The following GPX6 variants were observed in gnomAD, a reference collection of about 807,000 sequenced individuals.
GPX6 encodes glutathione peroxidase 6 (olfactory).
A neutral mutation model predicts 20.0 loss-of-function variants in GPX6; 21 were observed. The observed-to-expected ratio is 1.05, with a 90% CI of 0.74 to 1.51. The LOEUF (loss-of-function observed/expected upper bound fraction) is 1.51, where lower values mean the gene tolerates loss of function less well. Ranked by LOEUF, GPX6 falls within the 40% of genes most tolerant of loss-of-function variation. The pLI is 0.00. For synonymous variants in GPX6, 75 were observed against 98.0 expected, an observed-to-expected ratio of 0.77 and a Z score of 1.38; for missense variants, 233 against 254.7, an observed-to-expected ratio of 0.91 and a Z score of 0.58.
At chr6:28,506,578 GA>G (rs5875160) in intron 2 of GPX6, 149 bp from the exon 3 acceptor site, 29,224 of 366,516 alleles carry the variant, frequency 0.08, no homozygotes, top group South Asian at 0.12. Context: ...AAGGAGTAGA[GA>G]AAAAAAAAAA....
At chr6:28,506,079 A>G (rs1762803302) in intron 3 of GPX6, among the ~76,000 whole-genome samples, 1 of 152,190 alleles carries the variant, frequency 6.6e-6, no homozygotes. Flanking sequence ...TCTTTTCTCT[A>G]TGCTTCTTTT....
At chr6:28,513,143 A>T (rs1301484878) in intron 1 of GPX6, among the ~76,000 whole-genome samples, 2 of 152,188 alleles carry the variant, frequency 1.3e-5, no homozygotes, top group Non-Finnish European at 2.9e-5. Flanking sequence ...ATCTGATGAG[A>T]GCTACTTCCA....
intron 1 of GPX6, among the ~76,000 whole-genome samples, chr6:28,511,653 C>T (rs1003896036): frequency 1.3e-5 from 2 of 152,270 alleles, no homozygotes; most frequent in Admixed American, 1.3e-4. Flanking sequence ...AATGCACCAT[C>T]GTGGTGAGAG....
At position 28,504,150 on chromosome 6, in the gene GPX6, C is replaced by G. The variant is rs1401769911; in HGVS notation, c.*142G>C. On this transcript the variant is annotated 3_prime_UTR_variant, in exon 5 of 5. Coordinates refer to ENST00000361902, the MANE Select transcript of GPX6 (RefSeq NM_182701.1). ...GCTACACACACATGCTAAGCAGGTGCTTGGGTAGTACAGGATGGTTTGGTC... is the reference window on the plus strand; with the variant it reads ...GCTACACACACATGCTAAGCAGGTGGTTGGGTAGTACAGGATGGTTTGGTC... 1.5e-6 allele frequency: 1 copy of G among 665,870 alleles called. No individual in the cohort carries two copies. The highest frequency in any genetic ancestry group is 2.7e-5 in the East Asian group (1 of 36,450). 41.2% of individuals were successfully genotyped at this position (665,870 alleles called of 1,614,324 possible).
At chr6:28,505,881 A>AATGG in intron 3 of GPX6, 79 bp from the exon 4 acceptor site, 13 of 992,836 alleles carry the variant, frequency 1.3e-5, no homozygotes, top group Non-Finnish European at 1.9e-5. Context: ...CCAATTCACT[A>AATGG]CCACAGGAAA....
chr6:28,506,398 A>G lies in GPX6; in HGVS notation c.273T>C (p.Asn91=), dbSNP rs1332248580. The part of the protein sequence containing the change: ...ELNALQEELK[N]FGVIVLAFPC... ...GAAAGGCCAACACAATGACACCAAAATTCTTCAGCTCCTCCTGTAGTGCAT... is the reference window on the plus strand; with the variant it reads ...GAAAGGCCAACACAATGACACCAAAGTTCTTCAGCTCCTCCTGTAGTGCAT... The change falls in exon 3 of 5, where the codon AAT becomes AAC. Residue 91 remains asparagine, a synonymous_variant. Coordinates refer to ENST00000361902, the MANE Select transcript of GPX6 (RefSeq NM_182701.1). The G allele has an allele frequency of 6.2e-7, 1 of 1,613,620 alleles. No individual in the cohort carries two copies. Among genetic ancestry groups the G allele is most frequent in the Non-Finnish European group, 8.5e-7 (1 of 1,179,536 alleles).
At chr6:28,513,854 CTCTT>C (rs1364251519) in intron 1 of GPX6, among the ~76,000 whole-genome samples, 1 of 152,102 alleles carries the variant, frequency 6.6e-6, no homozygotes, top group Non-Finnish European at 1.5e-5. Flanking sequence ...GGGCAAGAAA[CTCTT>C]TATCATCTTC....
In GPX6 at chr6:28,510,770, G is replaced by A. The variant is rs1434254511; in HGVS notation, c.222C>T (p.Gly74=). 1 of 1,613,862 alleles carries A rather than the reference G, an allele frequency of 6.2e-7. No individual in the cohort carries two copies. Among genetic ancestry groups the A allele is most frequent in the Non-Finnish European group, 8.5e-7 (1 of 1,179,970 alleles). Residue 74 remains glycine (G), a synonymous_variant, in exon 2 of 5, where the codon GGC becomes GGT. Coordinates refer to ENST00000361902, the MANE Select transcript of GPX6 (RefSeq NM_182701.1). ...TCTTACCAGGATACTGAGCTGCCAA[G>A]CCTCAATAGGCGGCCACATTGACAA... ...VLFVNVAAYU[G]LAAQYPELNA...
chr6:28,511,005 T>G, intron 1 of GPX6, 101 bp from the exon 2 acceptor site: 1 of 1,031,606 alleles, frequency 9.7e-7, no homozygotes, highest in Non-Finnish European at 1.4e-6. Context: ...ATGTAATATC[T>G]TGAAATTCTA....
At chr6:28,514,953 G>A (rs1472644402) in intron 1 of GPX6, among the ~76,000 whole-genome samples, 2 of 152,140 alleles carry the variant, frequency 1.3e-5, no homozygotes, top group African/African-American at 4.8e-5. Context: ...TTTCACAGGG[G>A]TGACTATGGA....
intron 1 of GPX6, among the ~76,000 whole-genome samples, chr6:28,512,333 A>G (rs1184115496): frequency 6.6e-6 from 1 of 152,196 alleles, no homozygotes; most frequent in Admixed American, 6.5e-5. Flanking sequence ...ATCTAGCTCA[A>G]GGTTTGTAAA....
intron 1 of GPX6, among the ~76,000 whole-genome samples, chr6:28,511,783 C>A (rs1385111722): frequency 6.6e-6 from 1 of 152,246 alleles, no homozygotes; most frequent in African/African-American, 2.4e-5. Flanking sequence ...GTGGGAGCCC[C>A]CTTCTGGGCT....
intron 2 of GPX6, among the ~76,000 whole-genome samples, chr6:28,507,067 A>G (rs1389246720): frequency 6.6e-6 from 1 of 152,132 alleles, no homozygotes; most frequent in Non-Finnish European, 1.5e-5. Flanking sequence ...TGATGCTGCA[A>G]CATGCCCTGG....
In GPX6 at chr6:28,505,818, G is replaced by T; in HGVS notation, c.360-16C>A. On this transcript the variant is annotated splice_polypyrimidine_tract_variant and intron_variant, in intron 3 of 4. Coordinates refer to ENST00000361902, the MANE Select transcript of GPX6 (RefSeq NM_182701.1). ...ACACACATACCTGCAGTGAACCAAA[G>T]TTGTTCCCAGCAAGATACAAATTAA... 1 of 1,593,282 alleles carries T rather than the reference G, an allele frequency of 6.3e-7. No homozygotes were observed. Among genetic ancestry groups the T allele is most frequent in the Non-Finnish European group, 8.6e-7 (1 of 1,161,082 alleles).
rs6922986 is a variant in GPX6, at chr6:28,510,818, C to T, written c.174G>A (p.Gln58=). 1 of 1,614,148 alleles carries T rather than the reference C, an allele frequency of 6.2e-7. No homozygotes were observed. The highest frequency in any genetic ancestry group is 1.7e-5 in the Admixed American group (1 of 60,020). Residue 58 remains glutamine, a synonymous_variant, in exon 2 of 5, where the codon CAG becomes CAA. Transcript: ENST00000361902. ...LNGEEYIQFK[Q]FAGKHVLFVN... ...CAAACAGGACGTGCTTGCCTGCAAACTGCTTGAATTGGATGTACTCCTCGC... is the reference window on the plus strand; with the variant it reads ...CAAACAGGACGTGCTTGCCTGCAAATTGCTTGAATTGGATGTACTCCTCGC...
intron 4 of GPX6, 113 bp from the exon 5 acceptor site, chr6:28,504,611 T>A: frequency 1.1e-6 from 1 of 901,638 alleles, no homozygotes; most frequent in Non-Finnish European, 1.7e-6. Flanking sequence ...TTATGTATTT[T>A]AATATATTAA....
intron 1 of GPX6, among the ~76,000 whole-genome samples, chr6:28,514,265 G>T (rs1373757560): frequency 1.3e-5 from 2 of 152,204 alleles, no homozygotes; most frequent in African/African-American, 4.8e-5. Context: ...TCTGTGAAAT[G>T]AGATGCAGAA....
At chr6:28,509,081 CTTGACT>C (rs1171286229) in intron 2 of GPX6, among the ~76,000 whole-genome samples, 2 of 152,080 alleles carry the variant, frequency 1.3e-5, no homozygotes, top group African/African-American at 4.8e-5. Flanking sequence ...TTACAATATG[CTTGACT>C]TTAAGTGTTA....
At chr6:28,513,901 T>G (rs77891324) in intron 1 of GPX6, among the ~76,000 whole-genome samples, 2,063 of 152,270 alleles carry the variant, frequency 0.014, 17 homozygotes, top group Non-Finnish European at 0.022. Context: ...GGCCACAGCT[T>G]CTCCTTCATT....
Sources: gnomAD v4.1 joint callset for allele counts (sites outside exome capture counted in the v4.1 genomes callset) on GRCh38, gnomAD v4.1.1 for gene constraint, MANE v1.5 for transcripts, NCBI Gene and HGNC (gene_info 2026-07-23, HGNC 2026-07-21) for gene names.